SCHIP1: variants seen among roughly 807,000 people sequenced by gnomAD.
SCHIP1 encodes schwannomin-interacting protein 1.
SCHIP1 carries 8 observed loss-of-function variants against 29.7 expected under a neutral mutation model. The observed-to-expected ratio is 0.27, with a 90% CI of 0.16 to 0.49. The LOEUF (loss-of-function observed/expected upper bound fraction) is 0.49. SCHIP1 is among the 20% of genes least tolerant of loss of function. The pLI is 0.99. For missense variants in SCHIP1, 193 were observed against 294.6 expected, an observed-to-expected ratio of 0.66 and a Z score of 2.52; for synonymous variants, 76 against 94.9, an observed-to-expected ratio of 0.80 and a Z score of 1.16.
chr3:159,618,199 G>A, the SCHIP1 span, among the ~76,000 whole-genome samples: 2 of 152,172 alleles, frequency 1.3e-5, no homozygotes, highest in Non-Finnish European at 2.9e-5. Flanking sequence ...AGGTCTACCT[G>A]ATCTCAAAGC....
chr3:159,412,516 T>C, the SCHIP1 span, among the ~76,000 whole-genome samples: 6 of 152,190 alleles, frequency 3.9e-5, no homozygotes, highest in Non-Finnish European at 7.4e-5. Context: ...ACAAGTTAGA[T>C]TGTGTACCAC....
the SCHIP1 span, among the ~76,000 whole-genome samples, chr3:159,526,607 A>G: frequency 1.3e-5 from 2 of 152,236 alleles, no homozygotes; most frequent in African/African-American, 4.8e-5. Flanking sequence ...ATAGGTTATA[A>G]AATTAGAGAT....
At chr3:159,758,301 C>T in the SCHIP1 span, among the ~76,000 whole-genome samples, 2 of 151,974 alleles carry the variant, frequency 1.3e-5, no homozygotes, top group South Asian at 2.1e-4. Flanking sequence ...TATAGGTGCC[C>T]GCCACCATGC....
the SCHIP1 span, chr3:159,401,082 T>A: frequency 1.9e-6 from 1 of 522,694 alleles, no homozygotes; most frequent in South Asian, 8.4e-5. Flanking sequence ...CAAGTGATAA[T>A]AGCACATCCT....
the SCHIP1 span, among the ~76,000 whole-genome samples, chr3:159,600,630 T>A: frequency 1.3e-5 from 2 of 152,232 alleles, no homozygotes; most frequent in African/African-American, 4.8e-5. Flanking sequence ...CTCACTAAGC[T>A]TATTTAAAAA....
chr3:159,453,140 T>C, the SCHIP1 span, among the ~76,000 whole-genome samples: 3 of 152,206 alleles, frequency 2.0e-5, no homozygotes, highest in Admixed American at 2.0e-4. Flanking sequence ...TCCCAACCAA[T>C]TGTAGCTGCA....
chr3:159,332,274 C>T, the SCHIP1 span, among the ~76,000 whole-genome samples: 1 of 152,132 alleles, frequency 6.6e-6, no homozygotes, highest in Non-Finnish European at 1.5e-5. Context: ...CTCTGTAATC[C>T]TTAAAGCAGT....
chr3:159,498,043 A>C, the SCHIP1 span, among the ~76,000 whole-genome samples: 1 of 152,222 alleles, frequency 6.6e-6, no homozygotes, highest in Admixed American at 6.5e-5. Context: ...TCAAGCCATA[A>C]TGTAGAAGTG....
chr3:159,494,868 G>A, the SCHIP1 span, among the ~76,000 whole-genome samples: 2 of 152,112 alleles, frequency 1.3e-5, no homozygotes, highest in Non-Finnish European at 2.9e-5. Context: ...TACAATACTG[G>A]CAAACCGAAT....
chr3:159,774,084 A>G, the SCHIP1 span, among the ~76,000 whole-genome samples: 3 of 152,382 alleles, frequency 2.0e-5, no homozygotes, highest in East Asian at 5.8e-4. Context: ...AGCAAGAAAT[A>G]GAAAAATGAA....
intron 1 of SCHIP1, among the ~76,000 whole-genome samples, chr3:159,844,953 A>T (rs1248016031): frequency 6.6e-6 from 1 of 152,202 alleles, no homozygotes; most frequent in Non-Finnish European, 1.5e-5. Flanking sequence ...TGGGAGCATA[A>T]AGAGTCCCTT....
the SCHIP1 span, among the ~76,000 whole-genome samples, chr3:159,396,984 A>G: frequency 7.0e-6 from 1 of 142,228 alleles, no homozygotes; most frequent in Admixed American, 7.3e-5. Context: ...TGGTCTTTTC[A>G]CATAGTCCCA....
intron 2 of SCHIP1, among the ~76,000 whole-genome samples, chr3:159,881,286 A>G (rs913217269): frequency 7.2e-5 from 11 of 152,248 alleles, no homozygotes; most frequent in Admixed American, 5.9e-4. Flanking sequence ...TAGTATAAAA[A>G]TATAGGCAAT....
At chr3:159,708,708 G>A in the SCHIP1 span, among the ~76,000 whole-genome samples, 73 of 152,272 alleles carry the variant, frequency 4.8e-4, no homozygotes, top group African/African-American at 1.7e-3. Context: ...AGATGGTGAC[G>A]TACGCAGGAA....
the SCHIP1 span, among the ~76,000 whole-genome samples, chr3:159,438,981 T>C: frequency 6.6e-6 from 1 of 152,204 alleles, no homozygotes; most frequent in African/African-American, 2.4e-5. Context: ...AATAGACTGA[T>C]TTATATTCCT....
chr3:159,732,287 A>G, the SCHIP1 span, among the ~76,000 whole-genome samples: 2 of 152,234 alleles, frequency 1.3e-5, no homozygotes, highest in African/African-American at 4.8e-5. Flanking sequence ...AAAGCAGTCA[A>G]GTGAAATTGT....
the SCHIP1 span, among the ~76,000 whole-genome samples, chr3:159,594,044 G>A: frequency 1.3e-5 from 2 of 152,208 alleles, no homozygotes; most frequent in South Asian, 2.1e-4. Context: ...CAGCATTGCT[G>A]TCTGCTAACT....
At chr3:159,636,556 A>C in the SCHIP1 span, among the ~76,000 whole-genome samples, 1 of 152,212 alleles carries the variant, frequency 6.6e-6, no homozygotes, top group Non-Finnish European at 1.5e-5. Flanking sequence ...TTGTAAAGGA[A>C]TGTGATTTTT....
chr3:159,547,209 A>G, the SCHIP1 span, among the ~76,000 whole-genome samples: 3 of 152,290 alleles, frequency 2.0e-5, no homozygotes, highest in African/African-American at 7.2e-5. Flanking sequence ...TGACCGCATT[A>G]ATGCCTTCTT....
Sources: allele counts gnomAD v4.1 joint callset (sites outside exome capture counted in the v4.1 genomes callset), GRCh38; gene constraint gnomAD v4.1.1; transcripts MANE v1.5; gene names NCBI Gene and HGNC (gene_info 2026-07-23, HGNC 2026-07-21).